ATP7B: variants seen among roughly 807,000 people sequenced by gnomAD.
ATP7B encodes the protein copper-transporting ATPase 2.
A neutral mutation model predicts 118.9 loss-of-function variants in ATP7B; 113 were observed. The ratio of observed to expected loss-of-function variants is 0.95; its 90% CI spans 0.82 to 1.11. ATP7B has a LOEUF of 1.11. ATP7B is among the 50% of genes most tolerant of loss of function. The pLI is 0.00. For synonymous variants in ATP7B, 777 were observed against 727.4 expected (o/e 1.07, Z -1.10); for missense variants, 1,867 against 1,871.4 (o/e 1.00, Z 0.04).
chr13:51,942,986 C>G (rs1264381056), intron 14 of ATP7B, among the ~76,000 whole-genome samples: 1 of 152,166 alleles, frequency 6.6e-6, no homozygotes, highest in Non-Finnish European at 1.5e-5. Flanking sequence ...GTAGTGTTAA[C>G]AAAGCTCTTT....
chr13:51,967,561 C>A (rs576473340), intron 4 of ATP7B, among the ~76,000 whole-genome samples: 112 of 152,284 alleles, frequency 7.4e-4, no homozygotes, highest in South Asian at 1.9e-3. Flanking sequence ...ATCAGCTATG[C>A]CCTCCAGACA....
chr13:52,001,162 A>G (rs887995675), intron 1 of ATP7B, among the ~76,000 whole-genome samples: 5 of 152,210 alleles, frequency 3.3e-5, no homozygotes, highest in Admixed American at 3.3e-4. Context: ...CACATCCACA[A>G]GAACCCTGGT....
At chr13:51,973,868 C>T (rs1269219380) in intron 2 of ATP7B, 67 bp downstream of exon 2, 1 of 1,603,470 alleles carries the variant, frequency 6.2e-7, no homozygotes, top group Non-Finnish European at 8.5e-7. Context: ...ATACCACCAT[C>T]CAGGAGCTAT....
In ATP7B at chr13:51,968,505, A is replaced by G. The variant is rs1951681205; in HGVS notation, c.1646T>C (p.Leu549Pro). 1.2e-6 allele frequency: 2 copies of G among 1,614,126 alleles called. No homozygotes were observed. The highest frequency in any genetic ancestry group is 1.7e-6 in the Non-Finnish European group (2 of 1,180,024). The part of the protein sequence containing the change: ...PLEIAQFIQD[L>P]GFEAAVMEDY... ...CTCCATGACTGCTGCCTCAAAACCC[A>G]GGTCCTGGATGAACTGAGCTATCTC... is the stretch of plus-strand genomic sequence containing the variant. The change falls in exon 4 of 21, where the codon CTG (leucine) becomes CCG (proline). Residue 549 changes from leucine to proline, a missense_variant. Coordinates refer to ENST00000242839, the MANE Select transcript of ATP7B (RefSeq NM_000053.4).
In ATP7B at chr13:51,951,104, T is replaced by C. The variant is rs9596620; in HGVS notation, c.2448-705A>G. Reference sequence around the variant, plus strand: ...GCTGCATGAGAATGGGCTGTAGGGATGATCACAGGAGTGAGGGGGAGAGTC... The same window carrying C: ...GCTGCATGAGAATGGGCTGTAGGGACGATCACAGGAGTGAGGGGGAGAGTC... On this transcript the variant is annotated intron_variant, in intron 9 of 20. Coordinates refer to ENST00000242839, the MANE Select transcript of ATP7B (RefSeq NM_000053.4). 2.6e-3 allele frequency among the ~76,000 whole-genome samples: 398 copies of C among 152,004 alleles called. 2 individuals carry two copies. The highest frequency in any genetic ancestry group is 9.0e-3 in the African/African-American group (372 of 41,456).
intron 1 of ATP7B, among the ~76,000 whole-genome samples, chr13:51,996,537 G>A (rs1471965116): frequency 3.9e-5 from 6 of 152,200 alleles, no homozygotes; most frequent in Non-Finnish European, 8.8e-5. Flanking sequence ...CTGTCTCTCC[G>A]TGTTATTCTT....
intron 1 of ATP7B, among the ~76,000 whole-genome samples, chr13:51,976,164 G>A (rs941134627): frequency 2.6e-5 from 4 of 152,182 alleles, no homozygotes; most frequent in African/African-American, 9.7e-5. Context: ...ACTTCCATGT[G>A]CTTCAGAAAT....
intron 1 of ATP7B, among the ~76,000 whole-genome samples, chr13:51,988,168 G>T (rs1387279576): frequency 1.3e-5 from 2 of 151,666 alleles, no homozygotes; most frequent in Non-Finnish European, 1.5e-5. Flanking sequence ...ATCTGACAAA[G>T]GGCTAATATC....
chr13:51,936,187 G>A (rs1413935783), intron 19 of ATP7B, among the ~76,000 whole-genome samples: 1 of 152,216 alleles, frequency 6.6e-6, no homozygotes, highest in East Asian at 1.9e-4. Context: ...AGGGTCAGGA[G>A]ACAGGTATGG....
intron 8 of ATP7B, chr13:51,957,947 G>A: frequency 2.2e-6 from 1 of 458,158 alleles, no homozygotes; most frequent in East Asian, 4.5e-5. Flanking sequence ...TTCAGTGTTG[G>A]GGACAATGAA....
Position 51,958,552 on chromosome 13 carries a change from A to G in ATP7B, c.2122-8T>C, listed in dbSNP as rs193922102. Reference sequence around the variant, plus strand: ...GTACCACCCACCGAGGAGCTGAAAGACAAGGACAGTGAAGGCTGCCAGCAA... The same window carrying G: ...GTACCACCCACCGAGGAGCTGAAAGGCAAGGACAGTGAAGGCTGCCAGCAA... On this transcript the variant is annotated splice_polypyrimidine_tract_variant and splice_region_variant and intron_variant, in intron 7 of 20. Transcript: ENST00000242839. 2 of 1,612,894 alleles carry G rather than the reference A, an allele frequency of 1.2e-6. No homozygotes were observed. Among genetic ancestry groups the G allele is most frequent in the Admixed American group, 1.7e-5 (1 of 60,026 alleles).
chr13:52,006,615 T>TG (rs1455199417), intron 1 of ATP7B, among the ~76,000 whole-genome samples: 1 of 152,228 alleles, frequency 6.6e-6, no homozygotes, highest in Non-Finnish European at 1.5e-5. Flanking sequence ...CCCTCTGCCT[T>TG]GCAGGAGTGA....
intron 1 of ATP7B, among the ~76,000 whole-genome samples, chr13:52,005,294 AT>A (rs1252009136): frequency 6.6e-6 from 1 of 152,064 alleles, no homozygotes; most frequent in Non-Finnish European, 1.5e-5. Context: ...TTCTTCTTGC[AT>A]TTTCTTATAA....
intron 9 of ATP7B, among the ~76,000 whole-genome samples, chr13:51,951,704 G>A (rs1958019249): frequency 6.6e-6 from 1 of 152,186 alleles, no homozygotes; most frequent in Non-Finnish European, 1.5e-5. Context: ...GGATGAGGAG[G>A]AGGAGGAGGG....
chr13:52,000,384 A>C (rs1389935111), intron 1 of ATP7B, among the ~76,000 whole-genome samples: 3 of 152,164 alleles, frequency 2.0e-5, no homozygotes, highest in African/African-American at 7.2e-5. Flanking sequence ...CACTAATCCC[A>C]TTCGAGAAGG....
At chr13:51,938,364 T>A (rs1957102853) in intron 17 of ATP7B, among the ~76,000 whole-genome samples, 1 of 152,190 alleles carries the variant, frequency 6.6e-6, no homozygotes, top group Admixed American at 6.5e-5. Flanking sequence ...CACCTGCCTG[T>A]CACATTCGTG....
At chr13:52,011,705 G>C (rs1453619448), upstream of ATP7B, among the ~76,000 whole-genome samples, 5 of 152,348 alleles carry the variant, frequency 3.3e-5, no homozygotes, top group East Asian at 7.7e-4. Flanking sequence ...TGCCGTGCCA[G>C]TGCCACAATG....
chr13:52,012,025 A>T (rs1258736239), upstream of ATP7B: 1 of 375,142 alleles, frequency 2.7e-6, no homozygotes, highest in Non-Finnish European at 5.0e-6. Flanking sequence ...CGCACCTGGA[A>T]AATCGATCCG....
intron 12 of ATP7B, among the ~76,000 whole-genome samples, chr13:51,948,391 A>G (rs1957795076): frequency 6.6e-6 from 1 of 152,156 alleles, no homozygotes; most frequent in African/African-American, 2.4e-5. Flanking sequence ...CTGAGTCTAC[A>G]GGTGCATCAC....
Sources: allele counts gnomAD v4.1 joint callset (sites outside exome capture counted in the v4.1 genomes callset), GRCh38; gene constraint gnomAD v4.1.1; transcripts MANE v1.5; gene names NCBI Gene and HGNC (gene_info 2026-07-23, HGNC 2026-07-21).